Variants in CADM1 observed in about 807,000 individuals in gnomAD.
CADM1 encodes cell adhesion molecule 1.
Under a neutral mutation model 53.1 loss-of-function variants are expected in CADM1, and 15 were observed. That is an observed-to-expected ratio of 0.28 (90% confidence interval 0.19 to 0.44). The LOEUF is 0.44. CADM1 is among the 20% of genes least tolerant of loss of function. CADM1 has a pLI of 1.00. For synonymous variants in CADM1, 281 were observed against 243.0 expected, an observed-to-expected ratio of 1.16 and a Z score of -1.45; for missense variants, 434 against 611.3, an observed-to-expected ratio of 0.71 and a Z score of 3.06.
chr11:115,196,595 T>TAAAAAAAAAAAAAAA (rs61694033), intron 9 of CADM1, among the ~76,000 whole-genome samples: 17 of 76,884 alleles, frequency 2.2e-4, no homozygotes, highest in Admixed American at 3.7e-4. Context: ...GCTGATGAAC[T>TAAAAAAAAAAAAAAA]AAAAAAAAAA....
intron 1 of CADM1, among the ~76,000 whole-genome samples, chr11:115,461,090 C>A (rs953401546): frequency 6.6e-6 from 1 of 151,866 alleles, no homozygotes; most frequent in African/African-American, 2.4e-5. Context: ...TAACGTGTAC[C>A]TGGTACTGTG....
intron 1 of CADM1, among the ~76,000 whole-genome samples, chr11:115,334,727 T>C (rs1453602210): frequency 2.6e-5 from 4 of 152,056 alleles, no homozygotes; most frequent in African/African-American, 9.7e-5. Context: ...CACCAGAATA[T>C]CACCACAAAC....
At chr11:115,267,517 C>T (rs1329667363) in intron 1 of CADM1, among the ~76,000 whole-genome samples, 2 of 152,104 alleles carry the variant, frequency 1.3e-5, no homozygotes, top group Non-Finnish European at 2.9e-5. Context: ...GAATGCCATA[C>T]CATTGTGGGA....
intron 1 of CADM1, among the ~76,000 whole-genome samples, chr11:115,295,506 TTATATATATA>T (rs71066412): frequency 0.081 from 4,457 of 54,854 alleles, 142 homozygotes; most frequent in South Asian, 0.1. Context: ...TCAAGATATT[TTATATATATA>T]TATATATATA....
chr11:115,443,495 T>C (rs570039938), intron 1 of CADM1, among the ~76,000 whole-genome samples: 2 of 152,334 alleles, frequency 1.3e-5, no homozygotes, highest in South Asian at 4.1e-4. Flanking sequence ...ATATCATTAG[T>C]AACCTTTGAT....
At chr11:115,360,495 G>A (rs1945998233) in intron 1 of CADM1, among the ~76,000 whole-genome samples, 1 of 152,124 alleles carries the variant, frequency 6.6e-6, no homozygotes, top group Non-Finnish European at 1.5e-5. Context: ...TGAAATCCTA[G>A]AATTAAATGC....
intron 7 of CADM1, among the ~76,000 whole-genome samples, chr11:115,210,439 C>A (rs575105777): frequency 1.3e-5 from 2 of 152,018 alleles, no homozygotes; most frequent in Non-Finnish European, 2.9e-5. Context: ...GATAGGGAAC[C>A]CTCTGTCAGA....
At chr11:115,306,064 G>A in intron 1 of CADM1, among the ~76,000 whole-genome samples, 1 of 10,014 alleles carries the variant, frequency 1.0e-4, no homozygotes, top group African/African-American at 2.5e-4. Context: ...ATTTGCAGAG[G>A]ATATATACCA....
chr11:115,338,010 C>G (rs1945312520), intron 1 of CADM1, among the ~76,000 whole-genome samples: 1 of 152,048 alleles, frequency 6.6e-6, no homozygotes, highest in African/African-American at 2.4e-5. Flanking sequence ...GTGGGTATCT[C>G]GGGTTGTAAA....
At chr11:115,400,342 T>C (rs1260874385) in intron 1 of CADM1, among the ~76,000 whole-genome samples, 2 of 147,472 alleles carry the variant, frequency 1.4e-5, no homozygotes, top group East Asian at 2.0e-4. Context: ...AGAAACAGAA[T>C]AGAATAAAAC....
chr11:115,452,314 C>T (rs142433205), intron 1 of CADM1, among the ~76,000 whole-genome samples: 3 of 152,192 alleles, frequency 2.0e-5, no homozygotes, highest in East Asian at 3.9e-4. Context: ...TCTCCTAGCC[C>T]AGAACCTATA....
At chr11:115,471,497 G>A (rs1949009722) in intron 1 of CADM1, among the ~76,000 whole-genome samples, 1 of 152,198 alleles carries the variant, frequency 6.6e-6, no homozygotes, top group Non-Finnish European at 1.5e-5. Flanking sequence ...AAGAGAGGTA[G>A]GGCTACTCAG....
chr11:115,330,605 A>G (rs1485065196), intron 1 of CADM1, among the ~76,000 whole-genome samples: 1 of 152,004 alleles, frequency 6.6e-6, no homozygotes, highest in Admixed American at 6.6e-5. Context: ...TACTATTCTG[A>G]GTGTTGGGGA....
intron 1 of CADM1, among the ~76,000 whole-genome samples, chr11:115,337,845 G>A (rs911813905): frequency 2.9e-4 from 44 of 152,106 alleles, no homozygotes; most frequent in African/African-American, 1.0e-3. Context: ...TTATGAGAGG[G>A]TCATACTGAT....
At position 115,170,609 on chromosome 11, in the gene CADM1, G is replaced by C. The variant is rs751921812; in HGVS notation, c.*5865C>G. The C allele has an allele frequency of 2.0e-5, 3 of 149,316 alleles. No individual in the cohort carries two copies. Among genetic ancestry groups the C allele is most frequent in the Non-Finnish European group, 3.0e-5 (2 of 67,232 alleles). 9.2% of individuals were successfully genotyped at this position (149,316 alleles called of 1,614,324 possible). On this transcript the variant is annotated 3_prime_UTR_variant, in exon 12 of 12. Coordinates refer to ENST00000331581, the MANE Select transcript of CADM1 (RefSeq NM_001301043.2). ...TGTGAGTGTTGGGTGGGGGGTGGTG[G>C]GGGGGGACTGAATCCTGCAGTTCCT...
chr11:115,256,084 CAA>C (rs756929464), intron 1 of CADM1, among the ~76,000 whole-genome samples: 1 of 151,956 alleles, frequency 6.6e-6, no homozygotes, highest in Non-Finnish European at 1.5e-5. Context: ...CCAGTGAAGA[CAA>C]AAACAGCAAA....
intron 1 of CADM1, among the ~76,000 whole-genome samples, chr11:115,432,282 G>T (rs982602581): frequency 1.3e-5 from 2 of 152,122 alleles, no homozygotes; most frequent in African/African-American, 2.4e-5. Context: ...ACCATAAGGA[G>T]CATGAGGGCC....
chr11:115,362,241 T>TTAGTATAAAATAAAATAAAATAA (rs1166592796), intron 1 of CADM1, among the ~76,000 whole-genome samples: 5 of 152,168 alleles, frequency 3.3e-5, no homozygotes, highest in Non-Finnish European at 5.9e-5. Flanking sequence ...TAAGAAGCAC[T>TTAGTATAAAATAAAATAAAATAA]TAGTATAAAA....
rs192994836 is a variant in CADM1, at chr11:115,401,481, G to A, written c.124+102790C>T. Among the ~76,000 whole-genome samples the A allele has an allele frequency of 4.2e-3, 642 of 152,278 alleles. 3 individuals carry two copies. The highest frequency in any genetic ancestry group is 0.01 in the Middle Eastern group (3 of 294). ...AATTTAGCCAGGCATGGTGGCGCACGCCTGTAGTCCCAGCTACACAGGAGG... is the reference window on the plus strand; with the variant it reads ...AATTTAGCCAGGCATGGTGGCGCACACCTGTAGTCCCAGCTACACAGGAGG... On this transcript the variant is annotated intron_variant, in intron 1 of 11. Coordinates refer to ENST00000331581, the MANE Select transcript of CADM1 (RefSeq NM_001301043.2).
Sources: gnomAD v4.1 joint callset for allele counts (sites outside exome capture counted in the v4.1 genomes callset) on GRCh38, gnomAD v4.1.1 for gene constraint, MANE v1.5 for transcripts, NCBI Gene and HGNC (gene_info 2026-07-23, HGNC 2026-07-21) for gene names.